The following OCA2 variants were observed in gnomAD, a reference collection of about 807,000 sequenced individuals.
OCA2 encodes the protein P protein.
A neutral mutation model predicts 100.2 loss-of-function variants in OCA2; 77 were observed. The observed-to-expected ratio is 0.77, with a 90% CI of 0.64 to 0.93. The LOEUF (loss-of-function observed/expected upper bound fraction) is 0.93, where lower values mean the gene tolerates loss of function less well. OCA2 is among the 40% of genes least tolerant of loss of function. The pLI is 0.00. For synonymous variants in OCA2, 432 were observed against 439.2 expected (o/e 0.98, Z 0.21); for missense variants, 1,062 against 1,089.1 (o/e 0.98, Z 0.35).
At chr15:28,013,828 G>A (rs796506969) in intron 9 of OCA2, among the ~76,000 whole-genome samples, 52 of 152,292 alleles carry the variant, frequency 3.4e-4, no homozygotes, top group African/African-American at 1.2e-3. Context: ...TGAAACAACA[G>A]TAATATTAAT....
At chr15:27,886,002 C>T (rs1192998325) in intron 19 of OCA2, among the ~76,000 whole-genome samples, 2 of 152,188 alleles carry the variant, frequency 1.3e-5, no homozygotes, top group African/African-American at 2.4e-5. Flanking sequence ...AGAACTCCTT[C>T]CGCAGGGCCA....
At chr15:27,955,299 G>A in intron 16 of OCA2, 84 bp from the exon 17 acceptor site, 1 of 990,416 alleles carries the variant, frequency 1.0e-6, no homozygotes, top group Non-Finnish European at 1.6e-6. Context: ...AGCGCTTCGT[G>A]CCTGGACGCG....
chr15:27,957,753 C>T lies in OCA2; in HGVS notation c.1637-18G>A, dbSNP rs368865876. On this transcript the variant is annotated intron_variant, in intron 15 of 23. Coordinates refer to ENST00000354638, the MANE Select transcript of OCA2 (RefSeq NM_000275.3). The surrounding 1 kb of genome is among the most constrained non-coding windows in gnomAD (Gnocchi z 4.3). ...CTTCAGTTCTGCAGAGAAAGGAAGGCGAAGCTTGGGTCTCCCATGACCTCA... is the reference window on the plus strand; with the variant it reads ...CTTCAGTTCTGCAGAGAAAGGAAGGTGAAGCTTGGGTCTCCCATGACCTCA... 14 of 1,612,980 alleles carry T rather than the reference C, an allele frequency of 8.7e-6. No individual in the cohort carries two copies. The highest frequency in any genetic ancestry group is 4.4e-5 in the South Asian group (4 of 91,072).
chr15:28,028,680 TG>T (rs1402605652), intron 3 of OCA2, among the ~76,000 whole-genome samples: 9 of 152,092 alleles, frequency 5.9e-5, no homozygotes, highest in African/African-American at 1.4e-4. Flanking sequence ...TTTTTGTTGT[TG>T]TTGTTGTTTT....
At position 28,027,610 on chromosome 15, in the gene OCA2, C is replaced by A. The variant is rs2042792354; in HGVS notation, c.515+261G>T. Among the ~76,000 whole-genome samples the A allele has an allele frequency of 2.6e-5, 4 of 152,290 alleles. No homozygotes were observed. The South Asian group carries it at 8.3e-4, about 32-fold the overall frequency. ...ACCTAATGGCCATGAAGACCCCAGC[C>A]ACACAAGCAGGAAGGAGAGGAGTGT... On this transcript the variant is annotated intron_variant, in intron 4 of 23. Coordinates refer to ENST00000354638, the MANE Select transcript of OCA2 (RefSeq NM_000275.3).
intron 2 of OCA2, among the ~76,000 whole-genome samples, chr15:28,037,365 A>C (rs1206940708): frequency 6.6e-6 from 1 of 151,976 alleles, no homozygotes. Flanking sequence ...CTGTGGGAAA[A>C]CCAAGCTGAG....
At chr15:27,806,103 TAATGGCACC>T (rs1409981010) in intron 23 of OCA2, among the ~76,000 whole-genome samples, 1 of 152,132 alleles carries the variant, frequency 6.6e-6, no homozygotes, top group Admixed American at 6.5e-5. Flanking sequence ...AGTGCCTGGC[TAATGGCACC>T]AGCCGCATGC....
intron 4 of OCA2, among the ~76,000 whole-genome samples, chr15:28,025,362 G>A (rs972706367): frequency 6.6e-6 from 1 of 152,172 alleles, no homozygotes; most frequent in Non-Finnish European, 1.5e-5. Context: ...TGCCGTTACT[G>A]GTTGTACCAG....
intron 1 of OCA2, among the ~76,000 whole-genome samples, chr15:28,094,117 C>T (rs1232886871): frequency 6.6e-6 from 1 of 152,234 alleles, no homozygotes; most frequent in Non-Finnish European, 1.5e-5. Context: ...ATCCCACAGC[C>T]TGTCCCTTAG....
At chr15:27,837,700 C>G (rs1382207368) in intron 23 of OCA2, among the ~76,000 whole-genome samples, 1 of 151,966 alleles carries the variant, frequency 6.6e-6, no homozygotes, top group African/African-American at 2.4e-5. Flanking sequence ...AAGACATTGA[C>G]ATACACTGGG....
At chr15:27,952,779 C>T (rs1015147489) in intron 17 of OCA2, among the ~76,000 whole-genome samples, 5 of 152,174 alleles carry the variant, frequency 3.3e-5, no homozygotes, top group South Asian at 2.1e-4. Flanking sequence ...CCCAGGGTCA[C>T]GTGATCCTCC....
chr15:27,754,762 T>C (rs1026492390), downstream of OCA2: 26 of 162,166 alleles, frequency 1.6e-4, no homozygotes, highest in African/African-American at 5.8e-4. Context: ...AAAAGATACC[T>C]ATGATCTTCT....
chr15:27,770,783 T>TTCCTCTCTCCCTCCCTCCCTTCCA, intron 23 of OCA2, among the ~76,000 whole-genome samples: 1 of 54,570 alleles, frequency 1.8e-5, no homozygotes, highest in African/African-American at 7.2e-5. Flanking sequence ...CCTTCCATCC[T>TTCCTCTCTCCCTCCCTCCCTTCCA]TCCTTCCTCC....
At chr15:27,975,599 T>C (rs1038286237) in intron 14 of OCA2, among the ~76,000 whole-genome samples, 6 of 152,076 alleles carry the variant, frequency 3.9e-5, no homozygotes, top group African/African-American at 1.5e-4. Flanking sequence ...AGTTCACTTA[T>C]GTGTGGGCCT....
chr15:27,950,544 C>T (rs1174533525), intron 18 of OCA2: 1 of 518,214 alleles, frequency 1.9e-6, no homozygotes, highest in African/African-American at 1.9e-5. Flanking sequence ...TACCTGCCAG[C>T]TTGAACCAAG....
At position 27,896,038 on chromosome 15, in the gene OCA2, A is replaced by C. The variant is rs185935368; in HGVS notation, c.2080-24116T>G. 19 of 1,141,974 alleles carry C rather than the reference A, an allele frequency of 1.7e-5. No individual in the cohort carries two copies. The East Asian group carries it at 4.5e-4, about 27-fold the overall frequency. The allele number at this position is 1,141,974 out of a possible 1,614,324, so 70.7% of individuals were successfully genotyped here. ...AGGCTTCTCAATAGGTTTGGCATGG[A>C]AAAGATCTATGAAGGCCAAGTGGAG... On this transcript the variant is annotated intron_variant, in intron 19 of 23. Transcript: ENST00000354638.
intron 19 of OCA2, among the ~76,000 whole-genome samples, chr15:27,879,443 A>C (rs1470788277): frequency 4.6e-5 from 7 of 152,190 alleles, no homozygotes; most frequent in African/African-American, 1.4e-4. Context: ...TGTCTTCCAC[A>C]ATCGTTGAAC....
At chr15:28,077,984 A>G (rs1034555694) in intron 2 of OCA2, among the ~76,000 whole-genome samples, 5 of 152,130 alleles carry the variant, frequency 3.3e-5, no homozygotes, top group Non-Finnish European at 4.4e-5. Context: ...GGAGGCTGAG[A>G]AGGAGAATCG....
intron 9 of OCA2, among the ~76,000 whole-genome samples, chr15:28,004,658 T>A (rs1000742937): frequency 6.6e-6 from 1 of 151,568 alleles, no homozygotes; most frequent in African/African-American, 2.4e-5. Context: ...ACACACACCC[T>A]CACATGCCCA....
Sources: gnomAD v4.1 joint callset for allele counts (sites outside exome capture counted in the v4.1 genomes callset) on GRCh38, gnomAD v4.1.1 for gene constraint, Gnocchi (gnomAD v3.1) non-coding constraint, MANE v1.5 for transcripts, NCBI Gene and HGNC (gene_info 2026-07-23, HGNC 2026-07-21) for gene names.